PNPT1: variants seen among roughly 807,000 people sequenced by gnomAD.
PNPT1 encodes polyribonucleotide nucleotidyltransferase 1, mitochondrial.
Under a neutral mutation model 119.5 loss-of-function variants are expected in PNPT1, and 53 were observed. The ratio of observed to expected loss-of-function variants is 0.44; its 90% CI spans 0.36 to 0.56. PNPT1 has a LOEUF of 0.56. Ranked by LOEUF, PNPT1 falls within the 20% of genes least tolerant of loss-of-function variation. PNPT1 has a pLI of 0.00. For synonymous variants in PNPT1, 357 were observed against 322.1 expected, an observed-to-expected ratio of 1.11 and a Z score of -1.16; for missense variants, 948 against 938.5, an observed-to-expected ratio of 1.01 and a Z score of -0.13.
chr2:55,654,884 G>A lies in PNPT1; in HGVS notation c.1495+16C>T, dbSNP rs749231872. On this transcript the variant is annotated intron_variant, in intron 18 of 27. Coordinates refer to ENST00000447944, the MANE Select transcript of PNPT1 (RefSeq NM_033109.5). ...GCATGAGCAATATCAGCAGTTTTGAGACATAATTCTTTTACCTGAATCCAT... is the reference window on the plus strand; with the variant it reads ...GCATGAGCAATATCAGCAGTTTTGAAACATAATTCTTTTACCTGAATCCAT... The A allele has an allele frequency of 4.9e-5, 79 of 1,610,784 alleles. No individual in the cohort carries two copies. The highest frequency in any genetic ancestry group is 6.6e-5 in the Non-Finnish European group (78 of 1,177,860).
At chr2:55,680,789 A>G (rs1697224094) in intron 6 of PNPT1, 30 bp from the exon 7 acceptor site, 11 of 1,612,940 alleles carry the variant, frequency 6.8e-6, no homozygotes, top group Non-Finnish European at 9.3e-6. Context: ...CAGGGCCGAA[A>G]TTAAAATTTC....
At chr2:55,661,304 G>C (rs547039371) in intron 14 of PNPT1, among the ~76,000 whole-genome samples, 2 of 151,772 alleles carry the variant, frequency 1.3e-5, no homozygotes, top group Non-Finnish European at 2.9e-5. Flanking sequence ...TTTTAGCCAG[G>C]ATAGTCTTGG....
intron 1 of PNPT1, among the ~76,000 whole-genome samples, chr2:55,688,135 C>G (rs1697473870): frequency 6.6e-6 from 1 of 151,916 alleles, no homozygotes; most frequent in Non-Finnish European, 1.5e-5. Context: ...CCTAGAACAC[C>G]TAGGCTCAAG....
intron 26 of PNPT1, among the ~76,000 whole-genome samples, chr2:55,638,779 CTTTT>C (rs540375374): frequency 6.8e-6 from 1 of 146,234 alleles, no homozygotes; most frequent in African/African-American, 2.5e-5. Flanking sequence ...TTAAGGACAT[CTTTT>C]TTTTTTTTTG....
At position 55,634,156 on chromosome 2, in the gene PNPT1, C is replaced by T. The variant is rs1201809164; in HGVS notation, c.*2081G>A. The stretch of plus-strand genomic sequence containing the variant: ...ACATTGCCTAACATGCTATTTTACA[C>T]ACAATAGATATATAATCAATGTTTA... On this transcript the variant is annotated 3_prime_UTR_variant, in exon 28 of 28. Coordinates refer to ENST00000447944, the MANE Select transcript of PNPT1 (RefSeq NM_033109.5). 1 of 151,978 alleles carries T rather than the reference C, an allele frequency of 6.6e-6. No individual in the cohort carries two copies. Among genetic ancestry groups the T allele is most frequent in the Non-Finnish European group, 1.5e-5 (1 of 68,010 alleles). 9.4% of individuals were successfully genotyped at this position (151,978 alleles called of 1,614,324 possible). A position where few individuals can be genotyped will look rare whatever the true frequency, so the allele number is the denominator to read the frequency against.
At chr2:55,651,372 T>C (rs1300712636) in intron 18 of PNPT1, among the ~76,000 whole-genome samples, 3 of 152,082 alleles carry the variant, frequency 2.0e-5, no homozygotes, top group Non-Finnish European at 1.5e-5. Flanking sequence ...ATCGGATGGT[T>C]GCCGTGTCTG....
At chr2:55,638,136 T>C (rs1695729991) in intron 26 of PNPT1, among the ~76,000 whole-genome samples, 1 of 149,672 alleles carries the variant, frequency 6.7e-6, no homozygotes, top group African/African-American at 2.5e-5. Flanking sequence ...ACCCTATCTC[T>C]ACTAAAAATA....
chr2:55,641,679 C>T (rs183115466), intron 25 of PNPT1, among the ~76,000 whole-genome samples: 48 of 152,008 alleles, frequency 3.2e-4, no homozygotes, highest in African/African-American at 1.1e-3. Context: ...TATTTTTCAC[C>T]TGCAATATTA....
chr2:55,657,051 G>A (rs922312594), intron 15 of PNPT1, among the ~76,000 whole-genome samples: 2 of 152,144 alleles, frequency 1.3e-5, no homozygotes, highest in East Asian at 1.9e-4. Context: ...ATTTCAGGCC[G>A]GGCGCAGTGG....
chr2:55,640,989 G>A (rs529669511), intron 25 of PNPT1, among the ~76,000 whole-genome samples: 3 of 152,188 alleles, frequency 2.0e-5, no homozygotes, highest in South Asian at 4.1e-4. Context: ...ACTTTGGGAG[G>A]CCAAGGTGAG....
intron 18 of PNPT1, among the ~76,000 whole-genome samples, chr2:55,652,341 G>C (rs1391643498): frequency 1.3e-5 from 2 of 152,138 alleles, no homozygotes; most frequent in East Asian, 3.8e-4. Flanking sequence ...CACAGGACTT[G>C]ACATTCATTC....
rs751379671 is a variant in PNPT1 at position 55,656,351 on chromosome 2, A to G, written c.1305T>C (p.Asn435=). The G allele has an allele frequency of 6.2e-7, 1 of 1,609,408 alleles. No homozygotes were observed. The part of the protein sequence containing the change: ...LHYEFPPYAT[N]EIGKVTGLNR... Reference sequence around the variant, plus strand: ...TTAAACCAGTGACTTTGCCAATTTCATTAGTTGCATAAGGAGGAAACTTAA... The same window carrying G: ...TTAAACCAGTGACTTTGCCAATTTCGTTAGTTGCATAAGGAGGAAACTTAA... The change falls in exon 16 of 28, where the codon AAT becomes AAC. Residue 435 remains asparagine (N), a synonymous_variant. Transcript: ENST00000447944.
At chr2:55,683,710 C>G (rs887789463) in intron 5 of PNPT1, 75 bp downstream of exon 5, 5 of 1,337,918 alleles carry the variant, frequency 3.7e-6, no homozygotes, top group South Asian at 1.3e-5. Flanking sequence ...AATGTTTACT[C>G]TAGGAAATAT....
intron 13 of PNPT1, among the ~76,000 whole-genome samples, chr2:55,662,357 G>A (rs183694215): frequency 6.6e-6 from 1 of 152,232 alleles, no homozygotes; most frequent in African/African-American, 2.4e-5. Flanking sequence ...TACAGGTTCA[G>A]CCAATACAAC....
In PNPT1 at chr2:55,686,432, C is replaced by T; in HGVS notation, c.235G>A (p.Ala79Thr). 1 of 1,613,606 alleles carries T rather than the reference C, an allele frequency of 6.2e-7. No homozygotes were observed. The highest frequency in any genetic ancestry group is 8.5e-7 in the Non-Finnish European group (1 of 1,179,694). Residue 79 changes from alanine (A) to threonine (T), a missense_variant, in exon 3 of 28, where the codon GCA becomes ACA. Coordinates refer to ENST00000447944, the MANE Select transcript of PNPT1 (RefSeq NM_033109.5). ...TTACTGACCGCTGTGACCATTACTGCAGTGTCACCTGACTTAAACATAAAG... is the reference window on the plus strand; with the variant it reads ...TTACTGACCGCTGTGACCATTACTGTAGTGTCACCTGACTTAAACATAAAG... ...GSAVVQSGDTAVMVTAVSKTK... is the reference protein window; with the variant it reads ...GSAVVQSGDTTVMVTAVSKTK...
rs1032331956 is a variant in PNPT1, at chr2:55,634,997, T to C, written c.*1240A>G. ...GTCGAACTTCTGGGCTCTAGTGACC[T>C]TCCCACTTCAGCCTTCCAAGTAGCT... is the stretch of plus-strand genomic sequence containing the variant. On this transcript the variant is annotated 3_prime_UTR_variant, in exon 28 of 28. Transcript: ENST00000447944. 2 of 152,186 alleles carry C rather than the reference T, an allele frequency of 1.3e-5. No individual in the cohort carries two copies. Among genetic ancestry groups the C allele is most frequent in the African/African-American group, 4.8e-5 (2 of 41,460 alleles). The allele number at this position is 152,186 out of a possible 1,614,324, so 9.4% of individuals were successfully genotyped here. A position where few individuals can be genotyped will look rare whatever the true frequency, so the allele number is the denominator to read the frequency against.
intron 13 of PNPT1, among the ~76,000 whole-genome samples, chr2:55,665,221 A>G (rs2627779): frequency 0.45 from 68,524 of 152,102 alleles, 16,412 homozygotes; most frequent in Non-Finnish European, 0.53. Context: ...TAAATAATGT[A>G]TAATTGGCTC....
At chr2:55,636,521 T>C in intron 27 of PNPT1, 129 bp from the exon 28 acceptor site, 1 of 978,062 alleles carries the variant, frequency 1.0e-6, no homozygotes, top group Non-Finnish European at 1.5e-6. Context: ...GAAAGCATTG[T>C]TCAGTGCTAA....
intron 18 of PNPT1, among the ~76,000 whole-genome samples, chr2:55,650,514 C>A (rs1462789261): frequency 6.6e-6 from 1 of 152,346 alleles, no homozygotes; most frequent in East Asian, 1.9e-4. Flanking sequence ...TCCCAGCAGC[C>A]TGCCTTGGCC....
Sources: gnomAD v4.1 joint callset for allele counts (sites outside exome capture counted in the v4.1 genomes callset) on GRCh38, gnomAD v4.1.1 for gene constraint, MANE v1.5 for transcripts, NCBI Gene and HGNC (gene_info 2026-07-23, HGNC 2026-07-21) for gene names.